Variants in SUCLG2 observed in about 807,000 individuals in gnomAD.
SUCLG2 encodes succinate--CoA ligase [GDP-forming] subunit beta, mitochondrial.
SUCLG2 carries 42 observed loss-of-function variants against 47.9 expected under a neutral mutation model. The observed-to-expected ratio is 0.88, with a 90% CI of 0.69 to 1.14. The LOEUF (loss-of-function observed/expected upper bound fraction) is 1.14, where lower values mean the gene tolerates loss of function less well. Among genes scored for constraint, SUCLG2 ranks in the 50% most tolerant of loss-of-function variants. The pLI is 0.00. For synonymous variants in SUCLG2, 195 were observed against 197.3 expected (o/e 0.99, Z 0.10); for missense variants, 571 against 525.9 (o/e 1.09, Z -0.84).
intron 5 of SUCLG2, 133 bp downstream of exon 5, chr3:67,520,349 A>T: frequency 7.9e-7 from 1 of 1,267,492 alleles, no homozygotes; most frequent in South Asian, 1.4e-5. Flanking sequence ...AGAAAGAAAA[A>T]GGGCTCAGCA....
chr3:67,420,459 A>G (rs943230546), intron 9 of SUCLG2, among the ~76,000 whole-genome samples: 28 of 152,362 alleles, frequency 1.8e-4, no homozygotes, highest in African/African-American at 6.5e-4. Flanking sequence ...GGAAAGAATG[A>G]AAAACAAAGT....
chr3:67,612,662 CG>C (rs566364791), intron 1 of SUCLG2, among the ~76,000 whole-genome samples: 92 of 152,294 alleles, frequency 6.0e-4, no homozygotes, highest in African/African-American at 2.1e-3. Flanking sequence ...GAAATATCCT[CG>C]GTCTTCTTCC....
At chr3:67,553,992 G>A (rs1026713486) in intron 2 of SUCLG2, among the ~76,000 whole-genome samples, 1 of 152,060 alleles carries the variant, frequency 6.6e-6, no homozygotes, top group Non-Finnish European at 1.5e-5. Context: ...CCTTCCTTGG[G>A]TTAAAAGTAA....
intron 1 of SUCLG2, among the ~76,000 whole-genome samples, chr3:67,652,015 T>A (rs1348400419): frequency 6.6e-6 from 1 of 151,996 alleles, no homozygotes; most frequent in East Asian, 1.9e-4. Context: ...TCATTCACCA[T>A]CCCCAAACCC....
intron 1 of SUCLG2, among the ~76,000 whole-genome samples, chr3:67,615,890 G>A (rs765645006): frequency 1.3e-5 from 2 of 152,044 alleles, no homozygotes; most frequent in African/African-American, 4.8e-5. Context: ...AAAAGGATAC[G>A]ATTGGAAATG....
At chr3:67,527,376 G>A (rs944261502) in intron 4 of SUCLG2, among the ~76,000 whole-genome samples, 1 of 152,212 alleles carries the variant, frequency 6.6e-6, no homozygotes, top group South Asian at 2.1e-4. Context: ...GGGATTTAAT[G>A]TTTAGCTATA....
At chr3:67,501,417 CT>C (rs1353637296) in intron 7 of SUCLG2, among the ~76,000 whole-genome samples, 3 of 152,102 alleles carry the variant, frequency 2.0e-5, no homozygotes, top group Admixed American at 1.3e-4. Context: ...TTATTTTGGT[CT>C]TCATCCCTAA....
At chr3:67,436,212 G>A (rs1020750527) in intron 9 of SUCLG2, among the ~76,000 whole-genome samples, 16 of 152,124 alleles carry the variant, frequency 1.1e-4, no homozygotes, top group Non-Finnish European at 1.8e-4. Flanking sequence ...AATAATGAAT[G>A]AGCAGGAAAA....
chr3:67,435,346 G>A (rs1232207625), intron 9 of SUCLG2, among the ~76,000 whole-genome samples: 1 of 152,142 alleles, frequency 6.6e-6, no homozygotes, highest in African/African-American at 2.4e-5. Context: ...ATGCAAGGTG[G>A]CTCTGGCTGA....
intron 2 of SUCLG2, among the ~76,000 whole-genome samples, chr3:67,597,238 C>T (rs150947013): frequency 5.3e-5 from 8 of 152,318 alleles, no homozygotes; most frequent in African/African-American, 1.9e-4. Flanking sequence ...TCTTAATTTC[C>T]CAACTTCCCA....
intron 6 of SUCLG2, among the ~76,000 whole-genome samples, chr3:67,515,747 A>T (rs1705927132): frequency 1.3e-5 from 2 of 152,136 alleles, no homozygotes; most frequent in Non-Finnish European, 2.9e-5. Context: ...CTCATTGTAC[A>T]CTGGCCCTCT....
intron 10 of SUCLG2, 81 bp from the exon 11 acceptor site, chr3:67,375,940 C>T (rs371089273): frequency 0.012 from 17,786 of 1,536,162 alleles, 177 homozygotes; most frequent in South Asian, 0.032. Flanking sequence ...ACACAAGACT[C>T]ACCTGTCTAC....
At chr3:67,619,601 T>C (rs1418939136) in intron 1 of SUCLG2, among the ~76,000 whole-genome samples, 1 of 152,190 alleles carries the variant, frequency 6.6e-6, no homozygotes, top group Admixed American at 6.5e-5. Flanking sequence ...AAAGAGAGGT[T>C]GCTGGATCGG....
intron 9 of SUCLG2, among the ~76,000 whole-genome samples, chr3:67,429,016 G>A (rs1703387048): frequency 6.6e-6 from 1 of 152,166 alleles, no homozygotes; most frequent in South Asian, 2.1e-4. Context: ...AACCAAGTTG[G>A]AAAACACTCT....
chr3:67,417,765 G>C (rs1200950483), intron 9 of SUCLG2, among the ~76,000 whole-genome samples: 3 of 152,138 alleles, frequency 2.0e-5, no homozygotes, highest in Non-Finnish European at 4.4e-5. Context: ...CCGGGGAGAT[G>C]AATGAACCAG....
intron 2 of SUCLG2, among the ~76,000 whole-genome samples, chr3:67,575,408 T>C (rs1174489195): frequency 1.3e-5 from 2 of 152,184 alleles, no homozygotes; most frequent in African/African-American, 4.8e-5. Context: ...AAAAACAGTA[T>C]GCTATGAAGC....
intron 2 of SUCLG2, among the ~76,000 whole-genome samples, chr3:67,541,829 C>T (rs1455735915): frequency 6.6e-6 from 1 of 151,960 alleles, no homozygotes; most frequent in Non-Finnish European, 1.5e-5. Flanking sequence ...CTGCAGAAAC[C>T]CTGTAAGCTA....
chr3:67,521,732 G>A (rs946640381), intron 4 of SUCLG2, among the ~76,000 whole-genome samples: 5 of 151,720 alleles, frequency 3.3e-5, no homozygotes, highest in African/African-American at 1.2e-4. Flanking sequence ...CAATTCTCAT[G>A]CTTCAGCCTC....
intron 6 of SUCLG2, among the ~76,000 whole-genome samples, chr3:67,516,444 T>C (rs542841475): frequency 6.6e-6 from 1 of 152,332 alleles, no homozygotes; most frequent in South Asian, 2.1e-4. Context: ...TATACTGTTA[T>C]TAACTTCTCT....
Sources: allele counts gnomAD v4.1 joint callset (sites outside exome capture counted in the v4.1 genomes callset), GRCh38; gene constraint gnomAD v4.1.1; transcripts MANE v1.5; gene names NCBI Gene and HGNC (gene_info 2026-07-23, HGNC 2026-07-21).